DAB1: variants seen among roughly 807,000 people sequenced by gnomAD.
DAB1 encodes the protein DAB adaptor protein 1, also known as disabled homolog 1.
A neutral mutation model predicts 64.6 loss-of-function variants in DAB1; 15 were observed. That is an observed-to-expected ratio of 0.23 (90% CI 0.16 to 0.36). The LOEUF (loss-of-function observed/expected upper bound fraction) is 0.36, where lower values mean the gene tolerates loss of function less well. DAB1 is among the 10% of genes least tolerant of loss of function. DAB1 has a pLI of 1.00. For missense variants in DAB1, 596 were observed against 706.7 expected (o/e 0.84, Z 1.78); for synonymous variants, 235 against 251.9 (o/e 0.93, Z 0.64).
intron 1 of DAB1, among the ~76,000 whole-genome samples, chr1:57,870,466 A>T (rs1569887275): frequency 6.6e-6 from 1 of 152,306 alleles, no homozygotes; most frequent in Middle Eastern, 3.4e-3. Flanking sequence ...ATAGACTTGT[A>T]CTGGAATCTC....
intron 6 of DAB1, among the ~76,000 whole-genome samples, chr1:57,655,129 A>G (rs936195391): frequency 6.6e-6 from 1 of 152,116 alleles, no homozygotes; most frequent in African/African-American, 2.4e-5. Flanking sequence ...ATGCTATCTT[A>G]ATTACTATAA....
intron 9 of DAB1, among the ~76,000 whole-genome samples, chr1:57,038,695 T>C (rs1048582007): frequency 6.6e-6 from 1 of 152,206 alleles, no homozygotes; most frequent in Non-Finnish European, 1.5e-5. Flanking sequence ...ACAATAAAAG[T>C]TACATCTTCC....
chr1:58,194,596 T>C (rs1303204031), intron 4 of DAB1, among the ~76,000 whole-genome samples: 3 of 152,244 alleles, frequency 2.0e-5, no homozygotes, highest in Admixed American at 6.5e-5. Flanking sequence ...GGTGGTCATA[T>C]GAAAGAAACT....
At chr1:57,146,347 G>A (rs1659132628) in intron 2 of DAB1, among the ~76,000 whole-genome samples, 1 of 152,156 alleles carries the variant, frequency 6.6e-6, no homozygotes, top group African/African-American at 2.4e-5. Context: ...ATTAGTCAGA[G>A]GTCTGGACAT....
In DAB1 at chr1:57,543,936, A is replaced by G. The variant is rs149276523; in HGVS notation, n.625+105656T>C. 4.4e-3 allele frequency among the ~76,000 whole-genome samples: 676 copies of G among 152,160 alleles called. 6 individuals carry two copies. The highest frequency in any genetic ancestry group is 0.015 in the African/African-American group (642 of 41,496). On this transcript the variant is annotated intron_variant and non_coding_transcript_variant, in intron 7 of 20. Transcript: ENST00000485760. ...AGCCTGGGCAACATAGCAAGACCCC[A>G]TCTCTACAAAAAAAATTAAAAATTA...
chr1:58,007,168 G>A (rs1174065669), intron 5 of DAB1, among the ~76,000 whole-genome samples: 1 of 151,858 alleles, frequency 6.6e-6, no homozygotes, highest in Non-Finnish European at 1.5e-5. Context: ...GGCAAATCCA[G>A]AAACAACACA....
intron 5 of DAB1, among the ~76,000 whole-genome samples, chr1:58,039,502 T>A (rs747549071): frequency 2.0e-5 from 3 of 152,230 alleles, no homozygotes; most frequent in African/African-American, 7.2e-5. Flanking sequence ...ATCTTTTCAA[T>A]GGGAGTCATC....
intron 6 of DAB1, among the ~76,000 whole-genome samples, chr1:57,670,899 T>A (rs533028483): frequency 2.2e-4 from 33 of 152,244 alleles, no homozygotes; most frequent in African/African-American, 7.5e-4. Flanking sequence ...AAACCCACAG[T>A]GTTCATGTCC....
chr1:57,927,206 C>A (rs921914031), intron 5 of DAB1, among the ~76,000 whole-genome samples: 1 of 152,212 alleles, frequency 6.6e-6, no homozygotes, highest in African/African-American at 2.4e-5. Context: ...TAATTCTCTT[C>A]ATTTCATAAA....
intron 14 of DAB1, among the ~76,000 whole-genome samples, chr1:57,004,762 G>T (rs1646003026): frequency 6.6e-6 from 1 of 152,186 alleles, no homozygotes; most frequent in African/African-American, 2.4e-5. Flanking sequence ...AATCCATGTG[G>T]AGGGTCAGGA....
At chr1:57,421,987 G>A (rs1288358377) in intron 1 of DAB1, among the ~76,000 whole-genome samples, 1 of 150,294 alleles carries the variant, frequency 6.7e-6, no homozygotes, top group Non-Finnish European at 1.5e-5. Context: ...CAGTTCCGGT[G>A]CCATCCAGAA....
At chr1:57,238,177 A>G (rs1332921149) in intron 2 of DAB1, among the ~76,000 whole-genome samples, 2 of 152,210 alleles carry the variant, frequency 1.3e-5, no homozygotes, top group African/African-American at 2.4e-5. Context: ...GGCCAGCAGT[A>G]TCAGCATCCC....
chr1:57,568,006 C>T lies in DAB1; in HGVS notation n.625+81586G>A, dbSNP rs71642127. Among the ~76,000 whole-genome samples, 863 of 152,294 alleles carry T rather than the reference C, an allele frequency of 5.7e-3. 4 individuals are homozygous for T. The highest frequency in any genetic ancestry group is 0.032 in the South Asian group (153 of 4,816). On this transcript the variant is annotated intron_variant and non_coding_transcript_variant, in intron 7 of 20. Transcript: ENST00000485760. ...CAAAAGAACAAAGCTGGAGGCATCA[C>T]GCTACCTGACCTCAACCTATACTAT...
intron 2 of DAB1, among the ~76,000 whole-genome samples, chr1:57,186,061 T>G (rs1663524330): frequency 6.6e-6 from 1 of 152,190 alleles, no homozygotes; most frequent in South Asian, 2.1e-4. Flanking sequence ...CAATACCACC[T>G]GGGACCACTC....
intron 6 of DAB1, among the ~76,000 whole-genome samples, chr1:57,663,026 G>T (rs958519083): frequency 2.0e-5 from 3 of 152,118 alleles, no homozygotes; most frequent in Non-Finnish European, 4.4e-5. Context: ...TTGCTATAAA[G>T]AACTATCTGA....
chr1:57,867,059 AG>A (rs1219889153), intron 1 of DAB1: 2 of 152,170 alleles, frequency 1.3e-5, no homozygotes, highest in Non-Finnish European at 2.9e-5. Context: ...CTCAGAAAGA[AG>A]GCATTTACCA....
chr1:57,411,635 C>T (rs1684121150), intron 1 of DAB1, among the ~76,000 whole-genome samples: 1 of 152,216 alleles, frequency 6.6e-6, no homozygotes, highest in Non-Finnish European at 1.5e-5. Flanking sequence ...TCAAAAACCT[C>T]GGCCTCTTGA....
intron 5 of DAB1, among the ~76,000 whole-genome samples, chr1:58,128,329 A>G (rs1282461857): frequency 6.7e-6 from 1 of 148,720 alleles, no homozygotes; most frequent in Non-Finnish European, 1.5e-5. Context: ...GACTTTGCTG[A>G]AGTTGCTTAT....
At chr1:57,310,831 T>C (rs1674638315) in intron 1 of DAB1, among the ~76,000 whole-genome samples, 1 of 152,018 alleles carries the variant, frequency 6.6e-6, no homozygotes, top group Non-Finnish European at 1.5e-5. Flanking sequence ...AAGTTCTTAC[T>C]CAAGAAAATA....
Sources: allele counts gnomAD v4.1 joint callset (sites outside exome capture counted in the v4.1 genomes callset), GRCh38; gene constraint gnomAD v4.1.1; transcripts MANE v1.5; gene names NCBI Gene and HGNC (gene_info 2026-07-23, HGNC 2026-07-21).